Variants in SMARCA5 observed in about 807,000 individuals in gnomAD.
The protein encoded by SMARCA5 is SWI/SNF-related matrix-associated actin-dependent regulator of chromatin subfamily A member 5.
In SMARCA5, 18 loss-of-function variants were observed where a neutral mutation model predicts 140.4. The ratio of observed to expected loss-of-function variants is 0.13; its 90% confidence interval spans 0.09 to 0.19. SMARCA5 has a LOEUF of 0.19. Ranked by LOEUF, SMARCA5 falls within the 10% of genes least tolerant of loss-of-function variation. The probability of loss-of-function intolerance (pLI) is 1.00; values close to 1 mark genes in which losing one functional copy is unlikely to be tolerated. For missense variants in SMARCA5, 606 were observed against 1,276.8 expected (o/e 0.47, Z 8.01); for synonymous variants, 449 against 419.6 (o/e 1.07, Z -0.86).
intron 23 of SMARCA5, among the ~76,000 whole-genome samples, 200 bp downstream of exon 23, chr4:143,550,304 T>G (rs78627058): frequency 1.3e-5 from 2 of 149,126 alleles, no homozygotes; most frequent in African/African-American, 4.9e-5. Flanking sequence ...ATTTAGGTAG[T>G]GGTATAATTT....
chr4:143,522,204 A>G (rs1272395124), intron 3 of SMARCA5, among the ~76,000 whole-genome samples: 1 of 152,160 alleles, frequency 6.6e-6, no homozygotes, highest in Non-Finnish European at 1.5e-5. Context: ...AGCCTGTTTA[A>G]AATTTTTATT....
chr4:143,521,348 T>C (rs1736954522), intron 2 of SMARCA5, 81 bp from the exon 3 acceptor site: 1 of 926,178 alleles, frequency 1.1e-6, no homozygotes, highest in Admixed American at 2.3e-5. Flanking sequence ...GAGTTCATTG[T>C]ATGGAGGCAT....
At chr4:143,524,308 C>A in intron 3 of SMARCA5, 59 bp from the exon 4 acceptor site, 2 of 1,184,462 alleles carry the variant, frequency 1.7e-6, no homozygotes, top group Non-Finnish European at 2.4e-6. Context: ...GATGTTTAAA[C>A]AGTAGCTGAT....
In SMARCA5 at chr4:143,530,439, T is replaced by G. The variant is rs762718645; in HGVS notation, c.1090-19T>G. Reference sequence around the variant, plus strand: ...AATATTATCTCTGATCTGAGTATATTTTTTGTTTGTTTATCTAGGACTTTG... The same window carrying G: ...AATATTATCTCTGATCTGAGTATATGTTTTGTTTGTTTATCTAGGACTTTG... On this transcript the variant is annotated intron_variant, in intron 8 of 23. Coordinates refer to ENST00000283131, the MANE Select transcript of SMARCA5 (RefSeq NM_003601.4). The G allele has an allele frequency of 6.3e-7, 1 of 1,577,318 alleles. No homozygotes were observed.
intron 2 of SMARCA5, among the ~76,000 whole-genome samples, chr4:143,520,586 A>G (rs1296581276): frequency 6.6e-6 from 1 of 152,226 alleles, no homozygotes; most frequent in South Asian, 2.1e-4. Flanking sequence ...TGTGTTTGCT[A>G]GGTAAAATGT....
chr4:143,519,298 T>C (rs942233693), intron 2 of SMARCA5, among the ~76,000 whole-genome samples: 1 of 152,168 alleles, frequency 6.6e-6, no homozygotes, highest in African/African-American at 2.4e-5. Context: ...ATGACAGTAC[T>C]GCATACTTGT....
chr4:143,513,828 C>G lies in SMARCA5; in HGVS notation c.-97C>G. 2 of 1,371,846 alleles carry G rather than the reference C, an allele frequency of 1.5e-6. No individual in the cohort carries two copies. The highest frequency in any genetic ancestry group is 2.0e-6 in the Non-Finnish European group (2 of 1,021,884). The allele number at this position is 1,371,846 out of a possible 1,614,324, so 85.0% of individuals were successfully genotyped here. ...CTCGGGTGGGAGTCTCGCTCCTCCA[C>G]CAGTTTATTGCGACGTAGCATCCAG... On this transcript the variant is annotated 5_prime_UTR_variant, in exon 1 of 24. Transcript: ENST00000283131.
Position 143,536,663 on chromosome 4 carries a change from A to C in SMARCA5, c.1480A>C (p.Lys494Gln), listed in dbSNP as rs749472573. ...GGTGGTTTTAGACAAGCTGCTCCCTAAGTTAAAAGAACAAGGTATCGGTTA... is the reference window on the plus strand; with the variant it reads ...GGTGGTTTTAGACAAGCTGCTCCCTCAGTTAAAAGAACAAGGTATCGGTTA... Reference protein sequence around the residue: ...KMVVLDKLLPKLKEQGSRVLI... With the variant: ...KMVVLDKLLPQLKEQGSRVLI... The change falls in exon 11 of 24, where the codon AAG (lysine) becomes CAG (glutamine). Residue 494 changes from lysine (K) to glutamine (Q), a missense_variant. Physicochemically the swap from Lys to Gln is moderately conservative, Grantham distance 53. Coordinates refer to ENST00000283131, the MANE Select transcript of SMARCA5 (RefSeq NM_003601.4). 6.2e-7 allele frequency: 1 copy of C among 1,610,680 alleles called. No homozygotes were observed. The highest frequency in any genetic ancestry group is 8.5e-7 in the Non-Finnish European group (1 of 1,177,106).
At chr4:143,530,094 G>A (rs564870657) in intron 8 of SMARCA5, among the ~76,000 whole-genome samples, 220 of 152,284 alleles carry the variant, frequency 1.4e-3, no homozygotes, top group African/African-American at 5.2e-3. Flanking sequence ...TATTTGAGTA[G>A]TGCGAATGGT....
intron 1 of SMARCA5, among the ~76,000 whole-genome samples, chr4:143,514,889 C>T (rs1736795067): frequency 6.6e-6 from 1 of 151,934 alleles, no homozygotes; most frequent in African/African-American, 2.4e-5. Context: ...AAATTAGTAC[C>T]ACTCGCTGCC....
rs1257189825 is a variant in SMARCA5 at position 143,521,395 on chromosome 4, CTG to C, written c.253-33_253-32del. Reference sequence around the variant, plus strand: ...GATTTCTGAAGTTTTAATTGATACTCTGATAAAATGTATCTTAAATTTTTTTT... The same window carrying C: ...GATTTCTGAAGTTTTAATTGATACTCATAAAATGTATCTTAAATTTTTTTT... On this transcript the variant is annotated intron_variant, in intron 2 of 23. Transcript: ENST00000283131. The C allele has an allele frequency of 4.0e-6, 6 of 1,505,736 alleles. No homozygotes were observed. The Admixed American group carries it at 5.5e-5, about 14-fold the overall frequency. The allele number at this position is 1,505,736 out of a possible 1,614,324, so 93.3% of individuals were successfully genotyped here.
At chr4:143,517,318 C>T (rs772629161) in intron 1 of SMARCA5, 37 bp from the exon 2 acceptor site, 26 of 1,480,370 alleles carry the variant, frequency 1.8e-5, no homozygotes, top group South Asian at 8.4e-5. Flanking sequence ...TTACTATTTT[C>T]GAAGACCAAT....
At chr4:143,548,485 C>T (rs1348355923) in intron 22 of SMARCA5, among the ~76,000 whole-genome samples, 3 of 151,938 alleles carry the variant, frequency 2.0e-5, no homozygotes, top group South Asian at 4.2e-4. Flanking sequence ...ACATCAGAAT[C>T]AGCATTCTGA....
intron 3 of SMARCA5, among the ~76,000 whole-genome samples, chr4:143,522,451 G>A (rs1264346000): frequency 2.6e-5 from 4 of 152,152 alleles, no homozygotes; most frequent in Non-Finnish European, 4.4e-5. Context: ...ACAAAAGATT[G>A]TTTAAAAGAA....
chr4:143,545,662 T>C, intron 18 of SMARCA5, 79 bp downstream of exon 18: 1 of 925,406 alleles, frequency 1.1e-6, no homozygotes, highest in South Asian at 1.5e-5. Context: ...TAAATATTTA[T>C]CTAATTTGGA....
In SMARCA5 at chr4:143,547,514, T is replaced by C; in HGVS notation, c.2772+11T>C. On this transcript the variant is annotated intron_variant, in intron 21 of 23. Coordinates refer to ENST00000283131, the MANE Select transcript of SMARCA5 (RefSeq NM_003601.4). ...GCACTTGACACAAAGGTAATTTGCT[T>C]GTTAATAAGTTAGGTAGTTAATAAA... 1 of 1,378,202 alleles carries C rather than the reference T, an allele frequency of 7.3e-7. No individual in the cohort carries two copies. The highest frequency in any genetic ancestry group is 1.0e-6 in the Non-Finnish European group (1 of 966,688). 85.4% of individuals were successfully genotyped at this position (1,378,202 alleles called of 1,614,324 possible).
At chr4:143,538,269 T>A (rs886752395) in intron 11 of SMARCA5, among the ~76,000 whole-genome samples, 1 of 152,134 alleles carries the variant, frequency 6.6e-6, no homozygotes, top group African/African-American at 2.4e-5. Context: ...ATTGAAGAGT[T>A]GTTGTGAAGT....
chr4:143,525,418 A>T, intron 4 of SMARCA5, 33 bp from the exon 5 acceptor site: 1 of 1,333,738 alleles, frequency 7.5e-7, no homozygotes, highest in Non-Finnish European at 1.1e-6. Flanking sequence ...TTCTTGTCTT[A>T]AAATGCCTAT....
At chr4:143,521,629 A>T in intron 3 of SMARCA5, 34 bp downstream of exon 3, 1 of 1,549,500 alleles carries the variant, frequency 6.5e-7, no homozygotes, top group Non-Finnish European at 8.8e-7. Context: ...AGTTCAACCA[A>T]ACTTATTTTC....
Sources: allele counts gnomAD v4.1 joint callset (sites outside exome capture counted in the v4.1 genomes callset), GRCh38; gene constraint gnomAD v4.1.1; transcripts MANE v1.5; gene names NCBI Gene and HGNC (gene_info 2026-07-23, HGNC 2026-07-21).